NEDD9: variants seen among roughly 807,000 people sequenced by gnomAD.
The protein encoded by NEDD9 is enhancer of filamentation 1.
In NEDD9, 26 loss-of-function variants were observed where a neutral mutation model predicts 76.6. The observed-to-expected ratio is 0.34, with a 90% CI of 0.25 to 0.47. The LOEUF is 0.47. NEDD9 is among the 20% of genes least tolerant of loss of function. The pLI is 1.00. For synonymous variants in NEDD9, 392 were observed against 414.2 expected, an observed-to-expected ratio of 0.95 and a Z score of 0.65; for missense variants, 937 against 1,058.5, an observed-to-expected ratio of 0.89 and a Z score of 1.59.
In NEDD9 at chr6:11,185,033, T is replaced by C. The variant is rs370393092; in HGVS notation, c.*129A>G. ...GAATTTCTGAAAGTTGACTGACCCATAAAATGTTAAAATATTTCATTTTTA... is the reference window on the plus strand; with the variant it reads ...GAATTTCTGAAAGTTGACTGACCCACAAAATGTTAAAATATTTCATTTTTA... On this transcript the variant is annotated 3_prime_UTR_variant, in exon 7 of 7. Transcript: ENST00000379446. The C allele has an allele frequency of 9.9e-6, 12 of 1,217,508 alleles. 1 individual carries two copies. The African/African-American group carries it at 1.8e-4, about 19-fold the overall frequency. The allele number at this position is 1,217,508 out of a possible 1,614,324, so 75.4% of individuals were successfully genotyped here.
rs2113298638 is a variant in NEDD9 at position 11,246,460 on chromosome 6, C to T, written c.13-32733G>A. 2.0e-5 allele frequency among the ~76,000 whole-genome samples: 3 copies of T among 152,310 alleles called. No individual in the cohort carries two copies. The Middle Eastern group carries it at 0.01, about 518-fold the overall frequency. Reference sequence around the variant, plus strand: ...CCCAGGCCCCGGGCCCCACCAGTTACCTGGCAGGGCAGTACGGCCACTGTC... The same window carrying T: ...CCCAGGCCCCGGGCCCCACCAGTTATCTGGCAGGGCAGTACGGCCACTGTC... On this transcript the variant is annotated intron_variant, in intron 3 of 3. Transcript: ENST00000397378.
chr6:11,221,943 G>A (rs1216901776), intron 1 of NEDD9, among the ~76,000 whole-genome samples: 1 of 152,144 alleles, frequency 6.6e-6, no homozygotes, highest in Admixed American at 6.5e-5. Context: ...CTATCTGCCT[G>A]TCTAGACAAA....
intron 6 of NEDD9, among the ~76,000 whole-genome samples, chr6:11,187,132 G>T (rs948112233): frequency 2.9e-5 from 1 of 34,442 alleles, no homozygotes; most frequent in Admixed American, 2.1e-4. Flanking sequence ...GTCATTAGAT[G>T]GGGGGGGTAC....
At chr6:11,235,738 T>C (rs1407473367), upstream of NEDD9, among the ~76,000 whole-genome samples, 1 of 152,106 alleles carries the variant, frequency 6.6e-6, no homozygotes, top group Non-Finnish European at 1.5e-5. This position sits in a 1 kb window ranked among gnomAD's most constrained non-coding sequence, Gnocchi z 4.1. Context: ...CGGACAGAAG[T>C]GACCCAGGGG....
At chr6:11,296,237 C>T (rs374618066) in intron 3 of NEDD9, among the ~76,000 whole-genome samples, 2 of 152,114 alleles carry the variant, frequency 1.3e-5, no homozygotes, top group Non-Finnish European at 2.9e-5. Context: ...TTTAAGCCCC[C>T]ACTCTGTGAT....
At chr6:11,343,873 C>T (rs558885557) in intron 1 of NEDD9, among the ~76,000 whole-genome samples, 266 of 152,240 alleles carry the variant, frequency 1.7e-3, no homozygotes, top group Non-Finnish European at 3.1e-3. Flanking sequence ...ACTAAATACA[C>T]GGGCCAGCAG....
At chr6:11,263,038 C>A (rs1760143765) in intron 3 of NEDD9, among the ~76,000 whole-genome samples, 1 of 152,094 alleles carries the variant, frequency 6.6e-6, no homozygotes, top group South Asian at 2.1e-4. Context: ...ACAATATGAC[C>A]TTGGCTAATT....
At chr6:11,209,970 C>CTTTTT (rs752612102) in intron 2 of NEDD9, among the ~76,000 whole-genome samples, 11 of 131,072 alleles carry the variant, frequency 8.4e-5, no homozygotes, top group South Asian at 2.6e-4. Context: ...AATTCACTGT[C>CTTTTT]TTTTTTTTTT....
chr6:11,233,518 A>G (rs77898859), upstream of NEDD9: 3,487 of 518,704 alleles, frequency 6.7e-3, 108 homozygotes, highest in African/African-American at 0.061. Flanking sequence ...AGCTTTGAAC[A>G]CTGCAGTGTT....
exon 3 of NEDD9, chr6:11,306,016 A>T: frequency 6.2e-7 from 1 of 1,613,934 alleles, no homozygotes; most frequent in Non-Finnish European, 8.5e-7. Flanking sequence ...TGCCCCAAGG[A>T]ATGATGCAGC....
At chr6:11,346,108 T>G (rs888061151) in intron 1 of NEDD9, among the ~76,000 whole-genome samples, 1 of 152,254 alleles carries the variant, frequency 6.6e-6, no homozygotes, top group Non-Finnish European at 1.5e-5. Flanking sequence ...GGCTTTTTTG[T>G]GTCTCCACCA....
chr6:11,382,090 A>C (rs1582059833), intron 1 of NEDD9: 1 of 152,362 alleles, frequency 6.6e-6, no homozygotes, highest in East Asian at 1.9e-4. Context: ...TAGGAGCCTG[A>C]ATGAGTCCCT....
In NEDD9 at chr6:11,315,394, T is replaced by G. The variant is rs149261734; in HGVS notation, c.-152-9239A>C. ...AAAGACTGTGTTCTTCAGCCCACTC[T>G]TGGGTCCCATGCAAGATTCTAATGA... is the stretch of plus-strand genomic sequence containing the variant. On this transcript the variant is annotated intron_variant, in intron 2 of 3. Transcript: ENST00000397378. Among the ~76,000 whole-genome samples, 180 of 152,362 alleles carry G rather than the reference T, an allele frequency of 1.2e-3. 1 individual carries two copies. The highest frequency in any genetic ancestry group is 6.8e-3 in the Middle Eastern group (2 of 294).
rs146393530 is a variant in NEDD9, at chr6:11,190,751, G to A, written c.1118C>T (p.Thr373Ile). 13 of 1,614,192 alleles carry A rather than the reference G, an allele frequency of 8.1e-6. No individual in the cohort carries two copies. The highest frequency in any genetic ancestry group is 1.1e-5 in the Non-Finnish European group (13 of 1,180,040). Residue 373 changes from threonine (T) to isoleucine (I), a missense_variant, in exon 5 of 7, where the codon ACA becomes ATA. Coordinates refer to ENST00000379446, the MANE Select transcript of NEDD9 (RefSeq NM_006403.4). The surrounding 1 kb of genome is among the most constrained non-coding windows in gnomAD (Gnocchi z 5.8). ...DGINRLSFSS[T>I]GSTRSNMSTS... ...GGACATGTTACTCCGGGTGCTGCCT[G>A]TACTGGAGAAAGACAATCGGTTGAT...
At chr6:11,191,255 G>A (rs889428602) in intron 4 of NEDD9, 50 bp from the exon 5 acceptor site, 1 of 1,523,584 alleles carries the variant, frequency 6.6e-7, no homozygotes, top group Admixed American at 2.0e-5. Context: ...TGGCTCATGG[G>A]AACCTGTGGT....
intron 1 of NEDD9, among the ~76,000 whole-genome samples, chr6:11,369,405 A>G (rs886582848): frequency 6.6e-6 from 1 of 152,180 alleles, no homozygotes; most frequent in Non-Finnish European, 1.5e-5. Flanking sequence ...TTTTAAGTAA[A>G]ATAATCTTAA....
chr6:11,305,708 C>T, intron 3 of NEDD9: 1 of 430,756 alleles, frequency 2.3e-6, no homozygotes, highest in Middle Eastern at 6.5e-4. Flanking sequence ...CTTGCTCGGG[C>T]ACCATTATGT....
chr6:11,343,157 C>T (rs1762305765), intron 1 of NEDD9, among the ~76,000 whole-genome samples: 1 of 152,036 alleles, frequency 6.6e-6, no homozygotes, highest in African/African-American at 2.4e-5. Context: ...CGGCCCAGTG[C>T]CGTGGCTCAC....
intron 3 of NEDD9, chr6:11,304,981 A>G: frequency 1.1e-6 from 1 of 871,092 alleles, no homozygotes; most frequent in Non-Finnish European, 1.6e-6. Flanking sequence ...TGATATGACA[A>G]TCAAACTTGT....
Sources: allele counts gnomAD v4.1 joint callset (sites outside exome capture counted in the v4.1 genomes callset), GRCh38; gene constraint gnomAD v4.1.1; non-coding constraint Gnocchi (gnomAD v3.1); transcripts MANE v1.5; gene names NCBI Gene and HGNC (gene_info 2026-07-23, HGNC 2026-07-21).